The following PCDHA9 variants were observed in gnomAD, a reference collection of about 807,000 sequenced individuals.
The protein encoded by PCDHA9 is protocadherin alpha 9.
In PCDHA9, 62 loss-of-function variants were observed where a neutral mutation model predicts 62.0. That is an observed-to-expected ratio of 1.00 (90% CI 0.81 to 1.23). The LOEUF is 1.23. Ranked by LOEUF, PCDHA9 falls within the 50% of genes most tolerant of loss-of-function variation. The probability of loss-of-function intolerance (pLI) is 0.00; values close to 1 mark genes in which losing one functional copy is unlikely to be tolerated. For missense variants in PCDHA9, 1,205 were observed against 1,249.8 expected (o/e 0.96, Z 0.54); for synonymous variants, 557 against 567.6 (o/e 0.98, Z 0.27).
chr5:140,967,520 G>A, intron 1 of PCDHA9: 1 of 1,612,918 alleles, frequency 6.2e-7, no homozygotes, highest in East Asian at 2.2e-5. Context: ...GGACACTAAC[G>A]ACAACTCTCC....
intron 1 of PCDHA9, among the ~76,000 whole-genome samples, chr5:140,950,286 C>G (rs2094469059): frequency 6.6e-6 from 1 of 151,924 alleles, no homozygotes; most frequent in Non-Finnish European, 1.5e-5. Flanking sequence ...TTGCTTCAAC[C>G]TGAAAAACTT....
At chr5:140,858,849 A>G (rs2045624236) in intron 1 of PCDHA9, 2 of 285,640 alleles carry the variant, frequency 7.0e-6, no homozygotes, top group Admixed American at 5.1e-5. Context: ...CCACTGATCT[A>G]TATCTCTTCA....
chr5:140,884,733 T>C lies in PCDHA9; in HGVS notation c.2394+33844T>C, dbSNP rs782206169. On this transcript the variant is annotated intron_variant, in intron 1 of 3. Transcript: ENST00000532602. ...TCCTTGCAGTTGTTTGTTTAAGACA[T>C]CTTTCCTGCCAATTTCAAATTATTC... 1.1e-4 allele frequency: 158 copies of C among 1,448,002 alleles called. No homozygotes were observed. The Middle Eastern group carries it at 1.8e-3, about 17-fold the overall frequency. The allele number at this position is 1,448,002 out of a possible 1,614,324, so 89.7% of individuals were successfully genotyped here. A position where few individuals can be genotyped will look rare whatever the true frequency, so the allele number is the denominator to read the frequency against.
In PCDHA9 at chr5:140,875,872, A is replaced by C. The variant is rs1554168004; in HGVS notation, c.2394+24983A>C. Reference sequence around the variant, plus strand: ...CATTAACGACAACCCGCCGGTGTTCAGAGAAAGGGAACAAAAGGTACCTGT... The same window carrying C: ...CATTAACGACAACCCGCCGGTGTTCCGAGAAAGGGAACAAAAGGTACCTGT... On this transcript the variant is annotated intron_variant, in intron 1 of 3. Coordinates refer to ENST00000532602, the MANE Select transcript of PCDHA9 (RefSeq NM_031857.2). 1.9e-6 allele frequency: 3 copies of C among 1,614,224 alleles called. No individual in the cohort carries two copies. In the East Asian group the frequency reaches 6.7e-5, roughly 36 times the overall value.
Position 140,850,442 on chromosome 5 carries a change from G to A in PCDHA9, c.1947G>A (p.Val649=). ...ETDAPRQRLL[V]LVKDHGEPAL... ...ACGCACCGCGCCAGCGCCTACTGGT[G>A]CTGGTGAAAGACCACGGGGAGCCAG... Residue 649 remains valine (V), a synonymous_variant, in exon 1 of 4, where the codon GTG becomes GTA. Transcript: ENST00000532602. The A allele has an allele frequency of 6.3e-7, 1 of 1,598,036 alleles. No homozygotes were observed. The highest frequency in any genetic ancestry group is 8.6e-7 in the Non-Finnish European group (1 of 1,167,754).
At position 140,850,923 on chromosome 5, in the gene PCDHA9, AT is replaced by A. The variant is rs2150502772; in HGVS notation, c.2394+42del. 1.2e-4 allele frequency: 181 copies of A among 1,521,692 alleles called. 10 individuals carry two copies. The South Asian group carries it at 1.6e-3, about 13-fold the overall frequency. 94.3% of individuals were successfully genotyped at this position (1,521,692 alleles called of 1,614,324 possible). ...TTCTAGCATTTTATTTATTTATATAATTTTTTTTCTTGAAAGATATTATCGA... is the reference window on the plus strand; with the variant it reads ...TTCTAGCATTTTATTTATTTATATAATTTTTTTCTTGAAAGATATTATCGA... On this transcript the variant is annotated intron_variant, in intron 1 of 3. Coordinates refer to ENST00000532602, the MANE Select transcript of PCDHA9 (RefSeq NM_031857.2).
intron 3 of PCDHA9, among the ~76,000 whole-genome samples, chr5:140,986,469 T>G (rs2097202307): frequency 6.6e-6 from 1 of 152,214 alleles, no homozygotes; most frequent in Non-Finnish European, 1.5e-5. Context: ...TGCCCTCTTG[T>G]GATCAGTTCC....
chr5:140,897,722 T>G (rs1236534951), intron 1 of PCDHA9, among the ~76,000 whole-genome samples: 10 of 152,162 alleles, frequency 6.6e-5, no homozygotes, highest in Admixed American at 6.5e-4. Context: ...GATGGCTGGG[T>G]CAAATAGTAT....
chr5:140,876,807 G>A (rs782408048), intron 1 of PCDHA9: 1 of 1,614,234 alleles, frequency 6.2e-7, no homozygotes, highest in South Asian at 1.1e-5. Context: ...CCGTGGAGGT[G>A]GCCGACGTGA....
chr5:140,874,129 GTTATC>G (rs1339746498), intron 1 of PCDHA9, among the ~76,000 whole-genome samples: 2 of 151,518 alleles, frequency 1.3e-5, no homozygotes, highest in Non-Finnish European at 2.9e-5. Flanking sequence ...GTTTATTTAA[GTTATC>G]TTATACTTGT....
intron 1 of PCDHA9, among the ~76,000 whole-genome samples, chr5:140,906,130 C>T (rs1554192409): frequency 6.6e-6 from 1 of 152,112 alleles, no homozygotes; most frequent in African/African-American, 2.4e-5. Flanking sequence ...AAATGTTAGT[C>T]TCCTTTGATA....
At chr5:140,942,737 A>C (rs180744405) in intron 1 of PCDHA9, among the ~76,000 whole-genome samples, 1 of 152,354 alleles carries the variant, frequency 6.6e-6, no homozygotes, top group East Asian at 1.9e-4. Context: ...AAAATATTTT[A>C]AAATCTTGTA....
chr5:140,927,421 G>A, intron 1 of PCDHA9: 2 of 1,614,208 alleles, frequency 1.2e-6, no homozygotes, highest in South Asian at 1.1e-5. Flanking sequence ...GGGATCGCGG[G>A]TTGACGGCAG....
chr5:140,857,558 T>A (rs782138602), intron 1 of PCDHA9: 1 of 1,596,966 alleles, frequency 6.3e-7, no homozygotes, highest in Non-Finnish European at 8.6e-7. Flanking sequence ...GCGCTCGCTG[T>A]CGAGCTACGT....
chr5:140,858,703 T>C lies in PCDHA9; in HGVS notation c.2394+7814T>C, dbSNP rs918251691. 1.1e-5 allele frequency: 6 copies of C among 560,482 alleles called. 2 individuals carry two copies. The highest frequency in any genetic ancestry group is 1.8e-5 in the Non-Finnish European group (6 of 325,182). 34.7% of individuals were successfully genotyped at this position (560,482 alleles called of 1,614,324 possible). ...ACACTAATATTTTCCAATACAAATATGTGATATAGGTTGCAGTTCTGACGA... is the reference window on the plus strand; with the variant it reads ...ACACTAATATTTTCCAATACAAATACGTGATATAGGTTGCAGTTCTGACGA... On this transcript the variant is annotated intron_variant, in intron 1 of 3. Coordinates refer to ENST00000532602, the MANE Select transcript of PCDHA9 (RefSeq NM_031857.2).
intron 1 of PCDHA9, among the ~76,000 whole-genome samples, chr5:140,953,228 G>A (rs2094861370): frequency 6.6e-6 from 1 of 152,124 alleles, no homozygotes; most frequent in South Asian, 2.1e-4. Flanking sequence ...CTTCTGCTTG[G>A]TAGCAGTTCA....
At position 140,963,044 on chromosome 5, in the gene PCDHA9, T is replaced by C. The variant is rs144557802; in HGVS notation, c.2395-15905T>C. On this transcript the variant is annotated intron_variant, in intron 1 of 3. Transcript: ENST00000532602. The stretch of plus-strand genomic sequence containing the variant: ...AAGCAATTAACATTTATTGAGAGTC[T>C]ATAAGGGTTTCTACATTGTGAAGGA... Among the ~76,000 whole-genome samples the C allele has an allele frequency of 9.3e-4, 141 of 152,294 alleles. 1 individual carries two copies. Among genetic ancestry groups the C allele is most frequent in the African/African-American group, 2.9e-3 (121 of 41,576 alleles).
chr5:140,902,855 G>A lies in PCDHA9; in HGVS notation c.2394+51966G>A, dbSNP rs137957286. On this transcript the variant is annotated intron_variant, in intron 1 of 3. Coordinates refer to ENST00000532602, the MANE Select transcript of PCDHA9 (RefSeq NM_031857.2). ...GAGTTACTTCACTTAGAAAAATGGC[G>A]TCCAGGTCCACCCAAGCTGCTGCAA... is the stretch of plus-strand genomic sequence containing the variant. Among the ~76,000 whole-genome samples, 742 of 152,204 alleles carry A rather than the reference G, an allele frequency of 4.9e-3. 1 individual carries two copies. The highest frequency in any genetic ancestry group is 7.5e-3 in the Admixed American group (115 of 15,274).
At chr5:140,876,906 G>T (rs782762108) in intron 1 of PCDHA9, 13 of 1,613,908 alleles carry the variant, frequency 8.1e-6, no homozygotes, top group South Asian at 2.2e-5. Flanking sequence ...TCACGGTGTC[G>T]GCATGGGACG....
Sources: allele counts gnomAD v4.1 joint callset (sites outside exome capture counted in the v4.1 genomes callset), GRCh38; gene constraint gnomAD v4.1.1; transcripts MANE v1.5; gene names NCBI Gene and HGNC (gene_info 2026-07-23, HGNC 2026-07-21).